DCDC2B: variants seen among roughly 807,000 people sequenced by gnomAD.
DCDC2B encodes doublecortin domain containing 2B, also known as doublecortin domain-containing protein 2B.
A neutral mutation model predicts 38.9 loss-of-function variants in DCDC2B; 41 were observed. That is an observed-to-expected ratio of 1.05 (90% CI 0.82 to 1.37). DCDC2B has a LOEUF of 1.37. DCDC2B is among the 40% of genes most tolerant of loss of function. The pLI is 0.00. For synonymous variants in DCDC2B, 181 were observed against 171.9 expected, an observed-to-expected ratio of 1.05 and a Z score of -0.41; for missense variants, 453 against 427.2, an observed-to-expected ratio of 1.06 and a Z score of -0.53.
chr1:32,210,687 A>T (rs932442383), intron 1 of DCDC2B, among the ~76,000 whole-genome samples: 1 of 151,962 alleles, frequency 6.6e-6, no homozygotes, highest in African/African-American at 2.4e-5. Context: ...CAGGATGCAT[A>T]ATGCACTAGT....
chr1:32,211,695 T>C, intron 2 of DCDC2B, 66 bp from the exon 3 acceptor site: 3 of 1,526,664 alleles, frequency 2.0e-6, no homozygotes, highest in South Asian at 2.4e-5. Flanking sequence ...CTCCACACCT[T>C]GGATGGGCCC....
At chr1:32,210,468 A>G (rs910118625) in intron 1 of DCDC2B, among the ~76,000 whole-genome samples, 2 of 151,716 alleles carry the variant, frequency 1.3e-5, no homozygotes, top group African/African-American at 4.8e-5. Context: ...ACTGCACTCC[A>G]GCCTGGGGGA....
At chr1:32,215,024 C>T (rs779410420) in intron 7 of DCDC2B, 92 bp downstream of exon 7, 3 of 1,439,146 alleles carry the variant, frequency 2.1e-6, no homozygotes, top group South Asian at 1.4e-5. Context: ...TCCATGGGAG[C>T]AGAATGCTCA....
intron 1 of DCDC2B, 79 bp downstream of exon 1, chr1:32,209,438 G>GT: frequency 1.3e-6 from 2 of 1,549,710 alleles, no homozygotes; most frequent in Non-Finnish European, 1.7e-6. Flanking sequence ...TACCATGTAT[G>GT]TACCAGCATG....
chr1:32,212,738 C>T lies in DCDC2B; in HGVS notation c.675-16C>T. 1.9e-6 allele frequency: 3 copies of T among 1,613,890 alleles called. No individual in the cohort carries two copies. The highest frequency in any genetic ancestry group is 1.7e-6 in the Non-Finnish European group (2 of 1,179,848). The stretch of plus-strand genomic sequence containing the variant: ...TGCCCTCTGCCCACTACAAGCCTTT[C>T]CTTTTGTCATTGTAGGCAACCTCCA... On this transcript the variant is annotated splice_polypyrimidine_tract_variant and intron_variant, in intron 5 of 8. Coordinates refer to ENST00000409358, the MANE Select transcript of DCDC2B (RefSeq NM_001099434.2).
chr1:32,215,722 G>A (rs976859209), intron 8 of DCDC2B, 80 bp from the exon 9 acceptor site: 1 of 1,250,696 alleles, frequency 8.0e-7, no homozygotes, highest in Admixed American at 2.6e-5. Flanking sequence ...TCCTTCCTTG[G>A]GGTTGGGGAC....
intron 7 of DCDC2B, chr1:32,215,190 AG>A (rs1376944522): frequency 5.1e-6 from 3 of 588,584 alleles, no homozygotes; most frequent in Non-Finnish European, 8.7e-6. Flanking sequence ...CCTTCTTCAC[AG>A]GGCCTCATCA....
At chr1:32,211,136 T>C (rs1270932251) in intron 1 of DCDC2B, 136 bp from the exon 2 acceptor site, 1 of 829,360 alleles carries the variant, frequency 1.2e-6, no homozygotes, top group East Asian at 2.7e-5. Context: ...ATATCTTGTT[T>C]CTGGACTGAG....
Position 32,212,209 on chromosome 1 carries a change from T to C in DCDC2B, c.527+8T>C, listed in dbSNP as rs753389652. Reference sequence around the variant, plus strand: ...GAGTGGGGCTGTGTGCAAGTGAGTATGGGGACTGCGAGGGCCCAAAAGTCC... The same window carrying C: ...GAGTGGGGCTGTGTGCAAGTGAGTACGGGGACTGCGAGGGCCCAAAAGTCC... On this transcript the variant is annotated splice_region_variant and intron_variant, in intron 4 of 8. Coordinates refer to ENST00000409358, the MANE Select transcript of DCDC2B (RefSeq NM_001099434.2). 4 of 1,611,086 alleles carry C rather than the reference T, an allele frequency of 2.5e-6. No individual in the cohort carries two copies. Among genetic ancestry groups the C allele is most frequent in the Admixed American group, 1.7e-5 (1 of 59,974 alleles).
In DCDC2B at chr1:32,209,267, A is replaced by T; in HGVS notation, c.174A>T (p.Thr58=). ...CACTGGCTGTGCGTGCCCTCTACAC[A>T]CCTTGTCATGGCCACCCTGTCACCA... ...QAPLAVRALY[T]PCHGHPVTNL... is the part of the protein sequence containing the mutation. The change falls in exon 1 of 9, where the codon ACA becomes ACT. Residue 58 remains threonine (T), a synonymous_variant. Coordinates refer to ENST00000409358, the MANE Select transcript of DCDC2B (RefSeq NM_001099434.2). The T allele has an allele frequency of 6.2e-7, 1 of 1,613,902 alleles. No individual in the cohort carries two copies. Among genetic ancestry groups the T allele is most frequent in the Non-Finnish European group, 8.5e-7 (1 of 1,179,862 alleles).
At chr1:32,215,774 A>G in intron 8 of DCDC2B, 28 bp from the exon 9 acceptor site, 1 of 1,520,110 alleles carries the variant, frequency 6.6e-7, no homozygotes, top group East Asian at 2.5e-5. Context: ...TCACGGCTCC[A>G]TTCTGTATGG....
In DCDC2B at chr1:32,211,221, A is replaced by T. The variant is rs138604564; in HGVS notation, c.267-51A>T. 126 of 1,507,382 alleles carry T rather than the reference A, an allele frequency of 8.4e-5. No individual in the cohort carries two copies. In the African/African-American group the frequency reaches 1.4e-3, roughly 17 times the overall value. 93.4% of individuals were successfully genotyped at this position (1,507,382 alleles called of 1,614,324 possible). A position where few individuals can be genotyped will look rare whatever the true frequency, so the allele number is the denominator to read the frequency against. ...ACCCAACACTGACATCTGCCAGGCT[A>T]TTGAGGCCTCAGTCTCCACAAGATG... On this transcript the variant is annotated intron_variant, in intron 1 of 8. Transcript: ENST00000409358.
chr1:32,210,033 A>G (rs1187224473), intron 1 of DCDC2B, among the ~76,000 whole-genome samples: 2 of 152,138 alleles, frequency 1.3e-5, no homozygotes, highest in Non-Finnish European at 2.9e-5. Context: ...TCTCTACTAA[A>G]AATACAAAAA....
intron 1 of DCDC2B, among the ~76,000 whole-genome samples, chr1:32,210,031 A>G (rs535092837): frequency 6.6e-6 from 1 of 152,174 alleles, no homozygotes; most frequent in East Asian, 1.9e-4. Context: ...TGTCTCTACT[A>G]AAAATACAAA....
At chr1:32,215,208 A>T in intron 7 of DCDC2B, 1 of 587,988 alleles carries the variant, frequency 1.7e-6, no homozygotes, top group Non-Finnish European at 2.9e-6. Context: ...ATCACATGAA[A>T]AGAAGCACCT....
rs1643661506 is a variant in DCDC2B at position 32,213,249 on chromosome 1, C to T, written c.714+456C>T. Among the ~76,000 whole-genome samples, 4 of 152,040 alleles carry T rather than the reference C, an allele frequency of 2.6e-5. No homozygotes were observed. The South Asian group carries it at 8.3e-4, about 32-fold the overall frequency. On this transcript the variant is annotated intron_variant, in intron 6 of 8. Transcript: ENST00000409358. Reference sequence around the variant, plus strand: ...GTCTCACGATATTGCGAAGGCTGGTCTTGAACTCCTGGGCTCAAGCAATCC... The same window carrying T: ...GTCTCACGATATTGCGAAGGCTGGTTTTGAACTCCTGGGCTCAAGCAATCC...
chr1:32,209,404 CG>C, intron 1 of DCDC2B, 45 bp downstream of exon 1: 1 of 1,601,582 alleles, frequency 6.2e-7, no homozygotes, highest in Non-Finnish European at 8.5e-7. Context: ...AGGGAGGTAA[CG>C]GCAAGAGCGT....
chr1:32,214,740 G>A lies in DCDC2B; in HGVS notation c.715-57G>A. 4 of 1,606,168 alleles carry A rather than the reference G, an allele frequency of 2.5e-6. No homozygotes were observed. In the South Asian group the frequency reaches 3.3e-5, roughly 13 times the overall value. On this transcript the variant is annotated intron_variant, in intron 6 of 8. Transcript: ENST00000409358. ...GGCTCTCTGAAGCCTGAACTGGGGA[G>A]TAGGAAAGGTAAGAATGGCCAGCAA... is the stretch of plus-strand genomic sequence containing the variant.
chr1:32,210,848 G>A (rs1643556962), intron 1 of DCDC2B, among the ~76,000 whole-genome samples: 1 of 152,086 alleles, frequency 6.6e-6, no homozygotes, highest in African/African-American at 2.4e-5. Context: ...CCAAGTAGCT[G>A]GGGCCACAGG....
Sources: allele counts gnomAD v4.1 joint callset (sites outside exome capture counted in the v4.1 genomes callset), GRCh38; gene constraint gnomAD v4.1.1; transcripts MANE v1.5; gene names NCBI Gene and HGNC (gene_info 2026-07-23, HGNC 2026-07-21).